TRMT13: variants seen among roughly 807,000 people sequenced by gnomAD.
TRMT13 encodes tRNA methyltransferase 13.
In TRMT13, 45 loss-of-function variants were observed where a neutral mutation model predicts 55.9. The ratio of observed to expected loss-of-function variants is 0.80; its 90% confidence interval spans 0.63 to 1.03. The LOEUF (loss-of-function observed/expected upper bound fraction) is 1.03, where lower values mean the gene tolerates loss of function less well. Among genes scored for constraint, TRMT13 ranks in the 50% least tolerant of loss-of-function variants. The pLI is 0.00. For missense variants in TRMT13, 513 were observed against 563.9 expected (o/e 0.91, Z 0.91); for synonymous variants, 183 against 196.3 (o/e 0.93, Z 0.57).
rs374555952 is a variant in TRMT13, at chr1:100,137,077, C to A, written c.253C>A (p.Pro85Thr). 1.9e-6 allele frequency: 3 copies of A among 1,611,672 alleles called. No homozygotes were observed. Among genetic ancestry groups the A allele is most frequent in the Non-Finnish European group, 2.5e-6 (3 of 1,179,394 alleles). ...HLKKCNSREK[P>T]KPDFYIQDIN... is the part of the protein sequence containing the mutation. ...GAAAAAATGTAACTCAAGAGAGAAA[C>A]CAAAACCTGTAAGTGTTTGATCAGT... Residue 85 changes from proline to threonine, a missense_variant, in exon 3 of 11, where the codon CCA (proline) becomes ACA (threonine). Pro to Thr is a conservative substitution (Grantham distance 38, BLOSUM62 -1). Around this residue, in one of 3 missense-constraint regions of TRMT13, gnomAD observed 298 missense variants for 290.3 expected, o/e 1.03. Coordinates refer to ENST00000370141, the MANE Select transcript of TRMT13 (RefSeq NM_019083.3).
In TRMT13 at chr1:100,133,321, GTATC is replaced by G. The variant is rs1655287395; in HGVS notation, c.147+7_147+10del. The G allele has an allele frequency of 6.2e-7, 1 of 1,613,824 alleles. No homozygotes were observed. Among genetic ancestry groups the G allele is most frequent in the South Asian group, 1.1e-5 (1 of 91,050 alleles). ...AACACGCTGGAGCCGCGGAGGTGTG[GTATC>G]GCCCTACTCTCTCAAGAGTCGGAAA... On this transcript the variant is annotated splice_region_variant and intron_variant, in intron 1 of 10. Coordinates refer to ENST00000370141, the MANE Select transcript of TRMT13 (RefSeq NM_019083.3).
Position 100,149,438 on chromosome 1 carries a change from G to A in TRMT13, c.*618G>A, listed in dbSNP as rs1308090734. On this transcript the variant is annotated 3_prime_UTR_variant, in exon 11 of 11. Coordinates refer to ENST00000370141, the MANE Select transcript of TRMT13 (RefSeq NM_019083.3). The stretch of plus-strand genomic sequence containing the variant: ...ATGACAAACACAAAACTGAAGAGCT[G>A]TTTTCAAAGAAAAAAGATTATTTCA... 2.0e-6 allele frequency: 3 copies of A among 1,537,130 alleles called. No individual in the cohort carries two copies. Among genetic ancestry groups the A allele is most frequent in the South Asian group, 2.5e-5 (2 of 80,432 alleles).
chr1:100,144,211 T>G, intron 9 of TRMT13, 68 bp downstream of exon 9: 1 of 1,087,926 alleles, frequency 9.2e-7, no homozygotes, highest in Non-Finnish European at 1.4e-6. Context: ...CCCCAACCAT[T>G]TCAGTGGTCT....
intron 1 of TRMT13, among the ~76,000 whole-genome samples, chr1:100,136,640 A>G (rs1215489133): frequency 6.6e-6 from 1 of 152,154 alleles, no homozygotes; most frequent in Non-Finnish European, 1.5e-5. Flanking sequence ...CCTTCTCTAT[A>G]CCCTGTTTGA....
Position 100,149,029 on chromosome 1 carries a change from A to G in TRMT13, c.*209A>G, listed in dbSNP as rs780477899. 1.3e-6 allele frequency: 2 copies of G among 1,563,180 alleles called. No homozygotes were observed. Among genetic ancestry groups the G allele is most frequent in the Non-Finnish European group, 1.7e-6 (2 of 1,159,878 alleles). On this transcript the variant is annotated 3_prime_UTR_variant, in exon 11 of 11. Transcript: ENST00000370141. ...CCAAAGTAATCCTCTTTAGAAGGGC[A>G]TCTTGAATTATATTATCCATCCGTA...
chr1:100,143,049 T>C, intron 7 of TRMT13, 88 bp from the exon 8 acceptor site: 1 of 859,010 alleles, frequency 1.2e-6, no homozygotes, highest in Non-Finnish European at 1.8e-6. Context: ...TTGCTCTGAA[T>C]TTTGAAAACC....
intron 1 of TRMT13, among the ~76,000 whole-genome samples, chr1:100,134,589 G>T (rs1655550720): frequency 6.6e-6 from 1 of 152,154 alleles, no homozygotes; most frequent in Non-Finnish European, 1.5e-5. Flanking sequence ...TTTGGAATAT[G>T]GGAGACGTGA....
chr1:100,137,184 C>A, intron 3 of TRMT13, 99 bp downstream of exon 3: 3 of 1,020,298 alleles, frequency 2.9e-6, no homozygotes, highest in South Asian at 1.5e-5. Flanking sequence ...CTGAGGAACC[C>A]AAGCTCAGGA....
At position 100,144,029 on chromosome 1, in the gene TRMT13, CT is replaced by C. The variant is rs1184347741; in HGVS notation, c.743-37del. The C allele has an allele frequency of 2.6e-6, 4 of 1,532,882 alleles. No individual in the cohort carries two copies. The South Asian group carries it at 4.5e-5, about 17-fold the overall frequency. The allele number at this position is 1,532,882 out of a possible 1,614,324, so 95.0% of individuals were successfully genotyped here. On this transcript the variant is annotated intron_variant, in intron 8 of 10. Coordinates refer to ENST00000370141, the MANE Select transcript of TRMT13 (RefSeq NM_019083.3). ...TTTTGGAAGGCCACATTAATATGTA[CT>C]TTATTTCACTAGACAGTTAATTCTC... is the stretch of plus-strand genomic sequence containing the variant.
intron 7 of TRMT13, among the ~76,000 whole-genome samples, chr1:100,141,415 G>A (rs1413651612): frequency 2.0e-5 from 3 of 152,116 alleles, no homozygotes; most frequent in Admixed American, 1.3e-4. Context: ...CTGCAGCCTT[G>A]ACCTCCTGGG....
chr1:100,142,024 G>A (rs553276143), intron 7 of TRMT13, among the ~76,000 whole-genome samples: 55 of 152,344 alleles, frequency 3.6e-4, no homozygotes, highest in African/African-American at 1.3e-3. Flanking sequence ...GAAGGAGTTT[G>A]ACTATGCTGC....
intron 9 of TRMT13, among the ~76,000 whole-genome samples, chr1:100,144,751 T>A (rs1657022286): frequency 6.6e-6 from 1 of 152,196 alleles, no homozygotes; most frequent in Non-Finnish European, 1.5e-5. Flanking sequence ...GAGATACTAA[T>A]ATATTAATAA....
chr1:100,148,297 C>A lies in TRMT13; in HGVS notation c.1221C>A (p.Ile407=). 1 of 1,613,782 alleles carries A rather than the reference C, an allele frequency of 6.2e-7. No individual in the cohort carries two copies. The highest frequency in any genetic ancestry group is 1.1e-5 in the South Asian group (1 of 91,058). Residue 407 remains isoleucine (I), a synonymous_variant, in exon 10 of 11, where the codon ATC becomes ATA. Coordinates refer to ENST00000370141, the MANE Select transcript of TRMT13 (RefSeq NM_019083.3). The part of the protein sequence containing the change: ...SEEHDDGGYR[I]TDDGADCLPG... ...AGCATGATGATGGAGGATACAGAAT[C>A]ACAGATGATGGCGCTGATTGTTTGC...
At chr1:100,133,958 G>T (rs983690807) in intron 1 of TRMT13, among the ~76,000 whole-genome samples, 2 of 152,084 alleles carry the variant, frequency 1.3e-5, no homozygotes, top group African/African-American at 4.8e-5. Context: ...TGTAACCCCA[G>T]CTACTCGGGA....
At chr1:100,137,454 T>A (rs1361295742) in intron 3 of TRMT13, among the ~76,000 whole-genome samples, 1 of 152,100 alleles carries the variant, frequency 6.6e-6, no homozygotes, top group Non-Finnish European at 1.5e-5. Context: ...TGCCTCAGCC[T>A]CCCAAAGTGC....
chr1:100,148,187 G>T lies in TRMT13; in HGVS notation c.1111G>T (p.Ala371Ser), dbSNP rs1657525287. The change falls in exon 10 of 11, where the codon GCA becomes TCA. Residue 371 changes from alanine (A) to serine (S), a missense_variant. Physicochemically the swap from Ala to Ser is moderately conservative, Grantham distance 99 (BLOSUM62 1). Transcript: ENST00000370141. ...TTATTTCCAGCGAATGAGTAGTTGG[G>T]CAACTTGTGGGATGCGGAAAACATC... The part of the protein sequence containing the change: ...FHYFQRMSSW[A>S]TCGMRKTSLE... 1 of 1,614,084 alleles carries T rather than the reference G, an allele frequency of 6.2e-7. No homozygotes were observed. The highest frequency in any genetic ancestry group is 1.3e-5 in the African/African-American group (1 of 74,926).
At chr1:100,148,499 C>A (rs1200158983) in intron 10 of TRMT13, 126 bp from the exon 11 acceptor site, 3 of 1,058,848 alleles carry the variant, frequency 2.8e-6, no homozygotes, top group Non-Finnish European at 2.7e-6. Flanking sequence ...GTCTTGGAAG[C>A]ATGGGACAAA....
intron 9 of TRMT13, among the ~76,000 whole-genome samples, chr1:100,146,566 C>T (rs1350764717): frequency 4.0e-5 from 6 of 151,884 alleles, no homozygotes; most frequent in Non-Finnish European, 7.4e-5. Context: ...AGTGCAGTGG[C>T]GCAATCTCGG....
chr1:100,148,991 A>G lies in TRMT13; in HGVS notation c.*171A>G. Reference sequence around the variant, plus strand: ...TTCTTTTTACTTCAGAAATCCAAACATTAGAGAATTCACCAAAGTAATCCT... The same window carrying G: ...TTCTTTTTACTTCAGAAATCCAAACGTTAGAGAATTCACCAAAGTAATCCT... On this transcript the variant is annotated 3_prime_UTR_variant, in exon 11 of 11. Coordinates refer to ENST00000370141, the MANE Select transcript of TRMT13 (RefSeq NM_019083.3). The G allele has an allele frequency of 6.9e-7, 1 of 1,448,466 alleles. No homozygotes were observed. Among genetic ancestry groups the G allele is most frequent in the South Asian group, 1.5e-5 (1 of 66,278 alleles). 89.7% of individuals were successfully genotyped at this position (1,448,466 alleles called of 1,614,324 possible).
Sources: gnomAD v4.1 joint callset for allele counts (sites outside exome capture counted in the v4.1 genomes callset) on GRCh38, gnomAD v4.1.1 for gene constraint, gnomAD v4.1.1 regional missense constraint, MANE v1.5 for transcripts, NCBI Gene and HGNC (gene_info 2026-07-23, HGNC 2026-07-21) for gene names.